The following SIN3A variants were observed in gnomAD, a reference collection of about 807,000 sequenced individuals.
The protein encoded by SIN3A is paired amphipathic helix protein Sin3a.
Under a neutral mutation model 146.1 loss-of-function variants are expected in SIN3A, and 14 were observed. The observed-to-expected ratio is 0.10, with a 90% confidence interval of 0.06 to 0.15. The LOEUF (loss-of-function observed/expected upper bound fraction) is 0.15. SIN3A is among the 10% of genes least tolerant of loss of function. The pLI is 1.00. For synonymous variants in SIN3A, 572 were observed against 572.0 expected (o/e 1.00, Z 0.00); for missense variants, 1,028 against 1,576.0 (o/e 0.65, Z 5.89).
intron 9 of SIN3A, among the ~76,000 whole-genome samples, chr15:75,405,346 A>G (rs926612840): frequency 4.0e-5 from 6 of 151,680 alleles, no homozygotes; most frequent in African/African-American, 1.5e-4. Context: ...AGCCTGGGCA[A>G]CAAGAGCGAG....
intron 2 of SIN3A, among the ~76,000 whole-genome samples, chr15:75,429,241 CA>C (rs1019011727): frequency 6.6e-6 from 1 of 151,988 alleles, no homozygotes; most frequent in African/African-American, 2.4e-5. Flanking sequence ...AGCAACACAG[CA>C]ACACCTCATC....
chr15:75,433,327 A>G (rs1730987637), intron 1 of SIN3A, among the ~76,000 whole-genome samples: 1 of 152,206 alleles, frequency 6.6e-6, no homozygotes, highest in Non-Finnish European at 1.5e-5. Flanking sequence ...GAACCAGTCT[A>G]TAAGGAAAAA....
Position 75,434,564 on chromosome 15 carries a change from C to G in SIN3A, c.-33-4156G>C, listed in dbSNP as rs191260525. Among the ~76,000 whole-genome samples the G allele has an allele frequency of 4.6e-3, 696 of 151,768 alleles. 7 individuals carry two copies. Among genetic ancestry groups the G allele is most frequent in the African/African-American group, 0.016 (660 of 41,362 alleles). On this transcript the variant is annotated intron_variant, in intron 1 of 20. Coordinates refer to ENST00000394947, the MANE Select transcript of SIN3A (RefSeq NM_001145358.2). ...ACTCAGGAGGCTGAGGCACGAGAAT[C>G]ACTTGAACCTGGGAGGTGGAGGTTG...
At chr15:75,442,617 TAAAAAAAAAA>T (rs374599694) in intron 1 of SIN3A, among the ~76,000 whole-genome samples, 9 of 123,102 alleles carry the variant, frequency 7.3e-5, no homozygotes, top group South Asian at 2.5e-4. Context: ...ATCCCATCTT[TAAAAAAAAAA>T]AAAAAAAAAA....
chr15:75,433,592 C>T (rs148597722), intron 1 of SIN3A, among the ~76,000 whole-genome samples: 2 of 151,954 alleles, frequency 1.3e-5, no homozygotes, highest in East Asian at 1.9e-4. Context: ...TGGTGGCTCA[C>T]GAGATCAGGA....
At chr15:75,389,573 C>G in intron 16 of SIN3A, 79 bp downstream of exon 16, 1 of 1,426,236 alleles carries the variant, frequency 7.0e-7, no homozygotes, top group Non-Finnish European at 9.7e-7. Flanking sequence ...GAAAAAGTTG[C>G]CTTTCCTTTT....
intron 7 of SIN3A, 25 bp downstream of exon 7, chr15:75,410,109 T>C (rs2073603146): frequency 6.2e-7 from 1 of 1,610,592 alleles, no homozygotes. Context: ...TAGTAAATAG[T>C]GTAATTCTTA....
intron 3 of SIN3A, among the ~76,000 whole-genome samples, chr15:75,416,815 A>C (rs147223917): frequency 1.3e-5 from 2 of 152,368 alleles, no homozygotes; most frequent in Admixed American, 6.5e-5. Flanking sequence ...CAAACTTTCC[A>C]GTGATGCCAC....
At chr15:75,403,731 A>G in intron 9 of SIN3A, among the ~76,000 whole-genome samples, 1 of 151,872 alleles carries the variant, frequency 6.6e-6, no homozygotes, top group Non-Finnish European at 1.5e-5. Context: ...TTTTTAGTAG[A>G]GACGGGGTTT....
chr15:75,439,137 T>C (rs1226722879), intron 1 of SIN3A, among the ~76,000 whole-genome samples: 1 of 152,054 alleles, frequency 6.6e-6, no homozygotes, highest in Non-Finnish European at 1.5e-5. Context: ...CAAGGGCACA[T>C]GTAGTAATGA....
chr15:75,380,055 G>C (rs553494624), intron 19 of SIN3A, among the ~76,000 whole-genome samples: 2 of 152,324 alleles, frequency 1.3e-5, no homozygotes, highest in South Asian at 2.1e-4. Flanking sequence ...CTTTCTTTCT[G>C]AGAGTTTGGG....
Position 75,444,925 on chromosome 15 carries a change from A to G in SIN3A, c.-34+6498T>C, listed in dbSNP as rs1167144205. ...AGTCTAAAATTATTTCCAAAGAAAAAGTTTTTTAAAAATTAAGTATTAGGC... is the reference window on the plus strand; with the variant it reads ...AGTCTAAAATTATTTCCAAAGAAAAGGTTTTTTAAAAATTAAGTATTAGGC... On this transcript the variant is annotated intron_variant, in intron 1 of 20. Coordinates refer to ENST00000394947, the MANE Select transcript of SIN3A (RefSeq NM_001145358.2). 2.0e-5 allele frequency among the ~76,000 whole-genome samples: 3 copies of G among 152,140 alleles called. No individual in the cohort carries two copies. The East Asian group carries it at 5.8e-4, about 29-fold the overall frequency.
Position 75,378,669 on chromosome 15 carries a change from A to G in SIN3A, c.3383+1960T>C, listed in dbSNP as rs554104197. Among the ~76,000 whole-genome samples the G allele has an allele frequency of 5.9e-5, 9 of 152,242 alleles. No homozygotes were observed. The East Asian group carries it at 1.7e-3, about 29-fold the overall frequency. On this transcript the variant is annotated intron_variant, in intron 19 of 20. Coordinates refer to ENST00000394947, the MANE Select transcript of SIN3A (RefSeq NM_001145358.2). ...TGAAAATATTCCTTTTTCCAGCTAC[A>G]CATTTGCGTGAGGCCAGATTTTCTT... is the stretch of plus-strand genomic sequence containing the variant.
At chr15:75,419,116 T>A (rs1416393266) in intron 3 of SIN3A, 1 of 152,192 alleles carries the variant, frequency 6.6e-6, no homozygotes, top group African/African-American at 2.4e-5. Context: ...GGTTAATCAG[T>A]GTTTCGGTGT....
intron 14 of SIN3A, among the ~76,000 whole-genome samples, chr15:75,394,103 C>CAGG (rs1385655178): frequency 6.6e-6 from 1 of 152,128 alleles, no homozygotes; most frequent in African/African-American, 2.4e-5. Context: ...CCACTGTGCC[C>CAGG]GGCCTGATTA....
chr15:75,377,094 G>C lies in SIN3A; in HGVS notation c.3384-1222C>G, dbSNP rs555560585. 2.0e-5 allele frequency among the ~76,000 whole-genome samples: 3 copies of C among 152,248 alleles called. No homozygotes were observed. The South Asian group carries it at 6.2e-4, about 32-fold the overall frequency. On this transcript the variant is annotated intron_variant, in intron 19 of 20. Coordinates refer to ENST00000394947, the MANE Select transcript of SIN3A (RefSeq NM_001145358.2). ...AAAGTAATGGTGAACAAAAATGCTGGTGGTGGCGCCAAACTGTATTTGCAA... is the reference window on the plus strand; with the variant it reads ...AAAGTAATGGTGAACAAAAATGCTGCTGGTGGCGCCAAACTGTATTTGCAA...
At chr15:75,375,621 T>G in intron 20 of SIN3A, 44 bp downstream of exon 20, 3 of 1,497,352 alleles carry the variant, frequency 2.0e-6, no homozygotes, top group South Asian at 1.1e-5. Flanking sequence ...TGGTCCTAGC[T>G]AGGGTGGGAG....
At chr15:75,412,341 C>G (rs1354487101) in intron 5 of SIN3A, among the ~76,000 whole-genome samples, 1 of 152,216 alleles carries the variant, frequency 6.6e-6, no homozygotes, top group East Asian at 1.9e-4. Context: ...ATCACCATCA[C>G]TATCACTATT....
At chr15:75,445,001 A>G (rs2074279777) in intron 1 of SIN3A, among the ~76,000 whole-genome samples, 2 of 151,758 alleles carry the variant, frequency 1.3e-5, no homozygotes, top group African/African-American at 4.8e-5. Context: ...TGTCTGAGGC[A>G]GGTGGATTGC....
Sources: gnomAD v4.1 joint callset for allele counts (sites outside exome capture counted in the v4.1 genomes callset) on GRCh38, gnomAD v4.1.1 for gene constraint, MANE v1.5 for transcripts, NCBI Gene and HGNC (gene_info 2026-07-23, HGNC 2026-07-21) for gene names.